The following ZNF44 variants were observed in gnomAD, a reference collection of about 807,000 sequenced individuals.
ZNF44 encodes the protein gonadotropin inducible transcription repressor-2.
Under a neutral mutation model 11.7 loss-of-function variants are expected in ZNF44, and 9 were observed. The observed-to-expected ratio is 0.77, with a 90% CI of 0.46 to 1.35. The LOEUF is 1.35. Ranked by LOEUF, ZNF44 falls within the 40% of genes most tolerant of loss-of-function variation. The pLI is 0.00. For missense variants in ZNF44, 696 were observed against 743.1 expected (o/e 0.94, Z 0.74); for synonymous variants, 224 against 242.7 (o/e 0.92, Z 0.72).
exon 1 of ZNF44, chr19:12,237,534 G>C (rs1916438131): frequency 6.5e-6 from 1 of 154,434 alleles, no homozygotes; most frequent in Non-Finnish European, 1.5e-5. Context: ...AGCTGTGGTG[G>C]AGCCACCTCG....
chr19:12,294,090 A>G (rs2145779164), intron 1 of ZNF44, among the ~76,000 whole-genome samples: 1 of 152,286 alleles, frequency 6.6e-6, no homozygotes, highest in South Asian at 2.1e-4. Flanking sequence ...GTTGCTCAAG[A>G]GTCGTCTAAG....
chr19:12,229,757 T>G lies in ZNF44; in HGVS notation n.436+703A>C, dbSNP rs150464600. The stretch of plus-strand genomic sequence containing the variant: ...GCCTCCCAAGTACTGGGACTACAGG[T>G]GCCCGCCAGCACACCCGGCTAATTT... On this transcript the variant is annotated intron_variant and non_coding_transcript_variant, in intron 3 of 3. Coordinates refer to the ZNF44 transcript ENST00000597563. Among the ~76,000 whole-genome samples the G allele has an allele frequency of 1.4e-3, 214 of 151,898 alleles. 6 individuals carry two copies. The East Asian group carries it at 0.038, about 27-fold the overall frequency.
intron 7 of ZNF44, chr19:12,248,772 G>A: frequency 1.2e-6 from 1 of 802,062 alleles, no homozygotes; most frequent in Non-Finnish European, 1.7e-6. Flanking sequence ...CACTTTCAGG[G>A]AAAGTACAGA....
downstream of ZNF44, among the ~76,000 whole-genome samples, chr19:12,244,868 G>T (rs576981341): frequency 6.6e-6 from 1 of 152,226 alleles, no homozygotes; most frequent in South Asian, 2.1e-4. Context: ...GAATGGCAAT[G>T]AAATCACCTA....
chr19:12,260,368 TCAA>T (rs1311205548), intron 5 of ZNF44: 1 of 1,248,050 alleles, frequency 8.0e-7, no homozygotes, highest in African/African-American at 1.5e-5. Flanking sequence ...CGGACCACCA[TCAA>T]CAAGAATGCT....
At chr19:12,277,755 T>C (rs1416093835) in intron 1 of ZNF44, among the ~76,000 whole-genome samples, 1 of 150,660 alleles carries the variant, frequency 6.6e-6, no homozygotes, top group Non-Finnish European at 1.5e-5. Context: ...CCACAGAGTG[T>C]ACAGATCACA....
chr19:12,280,943 A>G (rs1222563603), intron 1 of ZNF44, among the ~76,000 whole-genome samples: 1 of 152,206 alleles, frequency 6.6e-6, no homozygotes, highest in East Asian at 1.9e-4. Context: ...ATCAAAATAC[A>G]TAATGCAAAA....
chr19:12,229,096 CTTA>C (rs974627370), intron 3 of ZNF44, among the ~76,000 whole-genome samples: 2 of 152,164 alleles, frequency 1.3e-5, no homozygotes, highest in African/African-American at 4.8e-5. Flanking sequence ...GATTTAAGCA[CTTA>C]TTTTTTTTGC....
intron 5 of ZNF44, among the ~76,000 whole-genome samples, chr19:12,254,037 C>T (rs1917137787): frequency 6.6e-6 from 1 of 151,656 alleles, no homozygotes; most frequent in Non-Finnish European, 1.5e-5. Flanking sequence ...CAATAGATTC[C>T]ACTGAAATAC....
At chr19:12,227,389 G>A (rs1373764872) in intron 3 of ZNF44, among the ~76,000 whole-genome samples, 2 of 152,198 alleles carry the variant, frequency 1.3e-5, no homozygotes, top group Non-Finnish European at 2.9e-5. Flanking sequence ...TCACCTTGAG[G>A]TCAGGAGTTT....
At chr19:12,257,657 C>T (rs1302155563) in intron 5 of ZNF44, among the ~76,000 whole-genome samples, 5 of 110,300 alleles carry the variant, frequency 4.5e-5, no homozygotes, top group South Asian at 2.9e-4. Context: ...AAAAATTAAC[C>T]GGGCGTGGTG....
At chr19:12,264,821 A>G (rs1313983714) in intron 5 of ZNF44, among the ~76,000 whole-genome samples, 1 of 151,948 alleles carries the variant, frequency 6.6e-6, no homozygotes, top group African/African-American at 2.4e-5. Context: ...TCAGCCTCCA[A>G]AATAGGTGGG....
At position 12,271,998 on chromosome 19, in the gene ZNF44, C is replaced by CTT. The variant is rs572164083; in HGVS notation, c.*407_*408dup. On this transcript the variant is annotated 3_prime_UTR_variant, in exon 4 of 4. Coordinates refer to ENST00000355684, the MANE Select transcript of ZNF44 (RefSeq NM_016264.4). ...CAACTCTATTTGAAAGAAATGGAAA[C>CTT]TTTTTTTTTTTTTTTTGAGATGGAG... The CTT allele has an allele frequency of 7.1e-5, 10 of 141,790 alleles. No homozygotes were observed. Among genetic ancestry groups the CTT allele is most frequent in the East Asian group, 2.0e-4 (1 of 4,918 alleles). The allele number at this position is 141,790 out of a possible 1,614,324, so 8.8% of individuals were successfully genotyped here. A position where few individuals can be genotyped will look rare whatever the true frequency, so the allele number is the denominator to read the frequency against.
intron 5 of ZNF44, among the ~76,000 whole-genome samples, chr19:12,263,774 A>T (rs905522562): frequency 2.6e-4 from 39 of 152,014 alleles, no homozygotes; most frequent in African/African-American, 8.9e-4. Flanking sequence ...AAATACAAAA[A>T]ATTAGCTGGA....
Position 12,257,798 on chromosome 19 carries a change from C to CAA in ZNF44, c.1913-7432_1913-7431dup, listed in dbSNP as rs1221289652. On this transcript the variant is annotated intron_variant and NMD_transcript_variant, in intron 5 of 7. Transcript: ENST00000393337. ...CCCCGGCAACAGCAAAACTCTGTCTCAAAAAAAAAAAAAAAAAAAAAATTC... is the reference window on the plus strand; with the variant it reads ...CCCCGGCAACAGCAAAACTCTGTCTCAAAAAAAAAAAAAAAAAAAAAAAATTC... Among the ~76,000 whole-genome samples the CAA allele has an allele frequency of 4.9e-3, 265 of 53,570 alleles. 2 individuals carry two copies. The highest frequency in any genetic ancestry group is 0.016 in the African/African-American group (243 of 14,950). The allele number at this position is 53,570 out of a possible 152,430, so 35.1% of individuals were successfully genotyped here.
downstream of ZNF44, among the ~76,000 whole-genome samples, chr19:12,267,399 T>C (rs1287516290): frequency 6.6e-6 from 1 of 152,150 alleles, no homozygotes. Context: ...AATACAGTTA[T>C]TTAATATATG....
At chr19:12,235,179 C>T (rs1326392420) in intron 1 of ZNF44, among the ~76,000 whole-genome samples, 2 of 151,956 alleles carry the variant, frequency 1.3e-5, no homozygotes, top group Non-Finnish European at 2.9e-5. Context: ...GACATCCTGG[C>T]TAACAGGGTG....
chr19:12,286,587 A>C (rs1967760766), intron 1 of ZNF44, among the ~76,000 whole-genome samples: 1 of 151,690 alleles, frequency 6.6e-6, no homozygotes, highest in Admixed American at 6.6e-5. Context: ...CAGTGAGCTG[A>C]GATTGTGCTA....
chr19:12,237,863 T>C (rs1321448581), upstream of ZNF44: 2 of 148,384 alleles, frequency 1.3e-5, no homozygotes, highest in African/African-American at 5.0e-5. Flanking sequence ...GGCTCCAGGC[T>C]TTCCACAGTG....
Sources: allele counts gnomAD v4.1 joint callset (sites outside exome capture counted in the v4.1 genomes callset), GRCh38; gene constraint gnomAD v4.1.1; transcripts MANE v1.5; gene names NCBI Gene and HGNC (gene_info 2026-07-23, HGNC 2026-07-21).